Variants in PTPRH observed in about 807,000 individuals in gnomAD.
PTPRH encodes the protein protein tyrosine phosphatase receptor type H, also known as receptor-type tyrosine-protein phosphatase H.
A neutral mutation model predicts 130.2 loss-of-function variants in PTPRH; 113 were observed. That is an observed-to-expected ratio of 0.87 (90% CI 0.75 to 1.01). The LOEUF (loss-of-function observed/expected upper bound fraction) is 1.01, where lower values mean the gene tolerates loss of function less well. Among genes scored for constraint, PTPRH ranks in the 50% least tolerant of loss-of-function variants. The pLI is 0.00. For synonymous variants in PTPRH, 556 were observed against 577.9 expected (o/e 0.96, Z 0.54); for missense variants, 1,430 against 1,425.0 (o/e 1.00, Z -0.06).
At chr19:55,189,658 G>A (rs1379973419) in intron 12 of PTPRH, 1 of 455,846 alleles carries the variant, frequency 2.2e-6, no homozygotes, top group Non-Finnish European at 4.4e-6. Context: ...TAGTCATCTT[G>A]TTAGCAAAGC....
At chr19:55,198,528 T>G in intron 8 of PTPRH, 115 bp downstream of exon 8, 1 of 1,153,744 alleles carries the variant, frequency 8.7e-7, no homozygotes, top group Non-Finnish European at 1.2e-6. Context: ...CTCCGGCCGG[T>G]GAGGCTGGAG....
intron 14 of PTPRH, 139 bp downstream of exon 14, chr19:55,187,361 GAAAAAAAGAAAAA>G: frequency 4.5e-6 from 1 of 221,504 alleles, no homozygotes; most frequent in East Asian, 7.9e-5. Context: ...AAAAAAAAAA[GAAAAAAAGAAAAA>G]AAAAAAAGGA....
intron 12 of PTPRH, among the ~76,000 whole-genome samples, chr19:55,190,385 G>C (rs1017076922): frequency 6.9e-6 from 1 of 145,064 alleles, no homozygotes; most frequent in Admixed American, 7.1e-5. Context: ...AAAAAAAAAA[G>C]AATATCACAA....
Position 55,181,783 on chromosome 19 carries a change from C to T in PTPRH, c.3319G>A (p.Ala1107Thr), listed in dbSNP as rs201369294. The change falls in exon 20 of 20, where the codon GCC becomes ACC. Residue 1107 changes from alanine (A) to threonine (T), a missense_variant. Transcript: ENST00000376350. ...VENLIYENVA[A>T]IQAHKLEV is the part of the protein sequence containing the mutation. ...ACCTCCAACTTGTGGGCCTGGATGGCGGCCACGTTCTCGTAGATGAGGTTT... is the reference window on the plus strand; with the variant it reads ...ACCTCCAACTTGTGGGCCTGGATGGTGGCCACGTTCTCGTAGATGAGGTTT... 28 of 1,613,998 alleles carry T rather than the reference C, an allele frequency of 1.7e-5. No homozygotes were observed. Among genetic ancestry groups the T allele is most frequent in the South Asian group, 7.7e-5 (7 of 91,080 alleles).
In PTPRH at chr19:55,195,912, AT is replaced by A. The variant is rs1337743776; in HGVS notation, c.2257+609del. Among the ~76,000 whole-genome samples, 4 of 151,838 alleles carry A rather than the reference AT, an allele frequency of 2.6e-5. No individual in the cohort carries two copies. In the East Asian group the frequency reaches 7.7e-4, roughly 29 times the overall value. On this transcript the variant is annotated intron_variant, in intron 10 of 19. Coordinates refer to ENST00000376350, the MANE Select transcript of PTPRH (RefSeq NM_002842.5). ...TGAAACGTCCCAGAGAGGCAAATCT[AT>A]AGAGATTGAAAGTGGATGAGAGATT... is the stretch of plus-strand genomic sequence containing the variant.
intron 10 of PTPRH, 64 bp from the exon 11 acceptor site, chr19:55,191,805 C>G: frequency 7.2e-7 from 1 of 1,382,442 alleles, no homozygotes; most frequent in Non-Finnish European, 1.0e-6. Flanking sequence ...TGTCTCCAAC[C>G]CTGCCCAGCC....
intron 6 of PTPRH, among the ~76,000 whole-genome samples, chr19:55,201,488 C>G (rs935428251): frequency 6.6e-6 from 1 of 152,242 alleles, no homozygotes; most frequent in Non-Finnish European, 1.5e-5. Context: ...GAAGGGGGGA[C>G]TGGGAGCCCC....
chr19:55,197,371 T>A lies in PTPRH; in HGVS notation c.1736A>T (p.Asn579Ile). ...TDLQNETQTK[N>I]SVMLWWKAPG... is the part of the protein sequence containing the mutation. Reference sequence around the variant, plus strand: ...GGCCTTCCACCACAGCATGACTGAGTTCTTAGTCTGAGTTTCATTCTGGAG... The same window carrying A: ...GGCCTTCCACCACAGCATGACTGAGATCTTAGTCTGAGTTTCATTCTGGAG... Residue 579 changes from asparagine (N) to isoleucine (I), a missense_variant, in exon 9 of 20, where the codon AAC (asparagine) becomes ATC (isoleucine). Asn to Ile is a moderately radical substitution (Grantham distance 149). Coordinates refer to ENST00000376350, the MANE Select transcript of PTPRH (RefSeq NM_002842.5). 2.5e-6 allele frequency: 4 copies of A among 1,613,872 alleles called. No individual in the cohort carries two copies. The highest frequency in any genetic ancestry group is 3.4e-6 in the Non-Finnish European group (4 of 1,179,766).
In PTPRH at chr19:55,181,574, T is replaced by C; in HGVS notation, c.*180A>G. 1 of 761,394 alleles carries C rather than the reference T, an allele frequency of 1.3e-6. No homozygotes were observed. The highest frequency in any genetic ancestry group is 2.1e-6 in the Non-Finnish European group (1 of 469,024). The allele number at this position is 761,394 out of a possible 1,614,324, so 47.2% of individuals were successfully genotyped here. ...TCCAGATCCCCAGCTCCCATAGGAC[T>C]CATCTGAAGCCCACCAGACCACTCT... On this transcript the variant is annotated 3_prime_UTR_variant, in exon 20 of 20. Coordinates refer to ENST00000376350, the MANE Select transcript of PTPRH (RefSeq NM_002842.5).
Position 55,187,112 on chromosome 19 carries a change from G to A in PTPRH, c.2566+401C>T, listed in dbSNP as rs1401436901. Among the ~76,000 whole-genome samples, 11 of 151,260 alleles carry A rather than the reference G, an allele frequency of 7.3e-5. No homozygotes were observed. The South Asian group carries it at 1.0e-3, about 14-fold the overall frequency. On this transcript the variant is annotated intron_variant, in intron 14 of 19. Transcript: ENST00000376350. ...CGTAATCCCAGCACTTTGGGAGGCC[G>A]AGGCGGGCAGATCACAAGGTCAGGA...
In PTPRH at chr19:55,187,153, G is replaced by A. The variant is rs1456935926; in HGVS notation, c.2566+360C>T. Among the ~76,000 whole-genome samples the A allele has an allele frequency of 3.3e-5, 5 of 150,778 alleles. No homozygotes were observed. In the East Asian group the frequency reaches 5.9e-4, roughly 18 times the overall value. ...AAGGTCAGGAGATCGAGACCATCCTGGCTAACACGGTGAAACCCTGTCTCT... is the reference window on the plus strand; with the variant it reads ...AAGGTCAGGAGATCGAGACCATCCTAGCTAACACGGTGAAACCCTGTCTCT... On this transcript the variant is annotated intron_variant, in intron 14 of 19. Coordinates refer to ENST00000376350, the MANE Select transcript of PTPRH (RefSeq NM_002842.5).
intron 6 of PTPRH, 137 bp from the exon 7 acceptor site, chr19:55,200,639 G>T: frequency 9.9e-7 from 1 of 1,011,952 alleles, no homozygotes; most frequent in Non-Finnish European, 1.4e-6. Flanking sequence ...GTATGTTCTA[G>T]ACCGTGTTTC....
chr19:55,195,182 G>A (rs1396952291), intron 10 of PTPRH, among the ~76,000 whole-genome samples: 3 of 152,276 alleles, frequency 2.0e-5, no homozygotes, highest in Non-Finnish European at 2.9e-5. Context: ...AAAGTTAGCT[G>A]GGCGTGGTAG....
intron 3 of PTPRH, among the ~76,000 whole-genome samples, chr19:55,206,476 A>G (rs1446644586): frequency 6.9e-6 from 1 of 145,680 alleles, no homozygotes; most frequent in Non-Finnish European, 1.5e-5. Flanking sequence ...GGAACACGCC[A>G]CCACAGCTAC....
chr19:55,194,307 A>G, intron 10 of PTPRH: 2 of 1,287,468 alleles, frequency 1.6e-6, no homozygotes, highest in Non-Finnish European at 2.0e-6. Context: ...TCCTGGGAAG[A>G]GTGTGTTTGT....
chr19:55,201,661 ATC>A lies in PTPRH; in HGVS notation c.1153+393_1153+394del, dbSNP rs1375701713. The stretch of plus-strand genomic sequence containing the variant: ...CCACATCAGGGTCATGGAGCTGATG[ATC>A]TGAGTTTCCATCCTCAATATGTGAC... On this transcript the variant is annotated intron_variant, in intron 6 of 19. Coordinates refer to ENST00000376350, the MANE Select transcript of PTPRH (RefSeq NM_002842.5). Among the ~76,000 whole-genome samples the A allele has an allele frequency of 2.0e-5, 3 of 152,240 alleles. No individual in the cohort carries two copies. The East Asian group carries it at 5.8e-4, about 29-fold the overall frequency.
At chr19:55,197,531 C>T in intron 8 of PTPRH, 115 bp from the exon 9 acceptor site, 4 of 993,260 alleles carry the variant, frequency 4.0e-6, no homozygotes, top group Non-Finnish European at 5.9e-6. Context: ...GCTCCAGTGG[C>T]TAAGGAGGCT....
rs2087165466 is a variant in PTPRH, at chr19:55,209,201, A to G, written c.51+182T>C. 6.6e-6 allele frequency among the ~76,000 whole-genome samples: 1 copy of G among 152,034 alleles called. No homozygotes were observed. Among genetic ancestry groups the G allele is most frequent in the Non-Finnish European group, 1.5e-5 (1 of 67,986 alleles). On this transcript the variant is annotated intron_variant, in intron 1 of 19. Transcript: ENST00000376350. This position sits in a 1 kb window ranked among gnomAD's most constrained non-coding sequence, Gnocchi z 4.1. ...TGGTGTCCCCCGCAGCAGACACGACAGTATCTAAGAGCCCAGGTGTAAGAC... is the reference window on the plus strand; with the variant it reads ...TGGTGTCCCCCGCAGCAGACACGACGGTATCTAAGAGCCCAGGTGTAAGAC...
rs140788530 is a variant in PTPRH, at chr19:55,202,293, C to T, written c.916G>A (p.Glu306Lys). 6.2e-7 allele frequency: 1 copy of T among 1,614,190 alleles called. No individual in the cohort carries two copies. The highest frequency in any genetic ancestry group is 8.5e-7 in the Non-Finnish European group (1 of 1,180,028). Residue 306 changes from glutamate (E) to lysine (K), a missense_variant, in exon 6 of 20, where the codon GAG becomes AAG. Physicochemically the swap from Glu to Lys is moderately conservative, Grantham distance 56 (BLOSUM62 1). Coordinates refer to ENST00000376350, the MANE Select transcript of PTPRH (RefSeq NM_002842.5). Reference sequence around the variant, plus strand: ...GCGATGGAGCTGTTGGTCTGAGCCTCCACTGTCAGGTTTCTCACTGGGTTG... The same window carrying T: ...GCGATGGAGCTGTTGGTCTGAGCCTTCACTGTCAGGTTTCTCACTGGGTTG... ...APNPVRNLTV[E>K]AQTNSSIALT...
Sources: gnomAD v4.1 joint callset for allele counts (sites outside exome capture counted in the v4.1 genomes callset) on GRCh38, gnomAD v4.1.1 for gene constraint, Gnocchi (gnomAD v3.1) non-coding constraint, MANE v1.5 for transcripts, NCBI Gene and HGNC (gene_info 2026-07-23, HGNC 2026-07-21) for gene names.